PRG2: variants seen among roughly 807,000 people sequenced by gnomAD.
PRG2 encodes the protein bone marrow proteoglycan.
A neutral mutation model predicts 24.7 loss-of-function variants in PRG2; 23 were observed. The observed-to-expected ratio is 0.93, with a 90% CI of 0.67 to 1.32. The LOEUF (loss-of-function observed/expected upper bound fraction) is 1.32. PRG2 is among the 40% of genes most tolerant of loss of function. The probability of loss-of-function intolerance (pLI) is 0.00; values close to 1 mark genes in which losing one functional copy is unlikely to be tolerated. For synonymous variants in PRG2, 104 were observed against 99.8 expected, an observed-to-expected ratio of 1.04 and a Z score of -0.25; for missense variants, 271 against 280.9, an observed-to-expected ratio of 0.96 and a Z score of 0.25.
At position 57,388,627 on chromosome 11, in the gene PRG2, T is replaced by C. The variant is rs372079948; in HGVS notation, c.448A>G (p.Ser150Gly). 5 of 1,613,918 alleles carry C rather than the reference T, an allele frequency of 3.1e-6. No homozygotes were observed. In the African/African-American group the frequency reaches 6.7e-5, roughly 22 times the overall value. The change falls in exon 4 of 6, where the codon AGC (serine) becomes GGC (glycine). Residue 150 changes from serine (S) to glycine (G), a missense_variant. By Grantham distance (56) the Ser-to-Gly change is moderately conservative. Coordinates refer to ENST00000311862, the MANE Select transcript of PRG2 (RefSeq NM_002728.6). Reference sequence around the variant, plus strand: ...CAGACTTGACCCTGGTTGAGCGCGCTGACAGAACACTGGATTCGATAATTA... The same window carrying C: ...CAGACTTGACCCTGGTTGAGCGCGCCGACAGAACACTGGATTCGATAATTA... ...NINYRIQCSVSALNQGQVWIG... is the reference protein window; with the variant it reads ...NINYRIQCSVGALNQGQVWIG...
At chr11:57,387,585 A>G in intron 5 of PRG2, 52 bp from the exon 6 acceptor site, 1 of 1,561,162 alleles carries the variant, frequency 6.4e-7, no homozygotes, top group South Asian at 1.1e-5. Flanking sequence ...ATCCCAACTC[A>G]ACCCACAGGA....
Position 57,387,444 on chromosome 11 carries a change from G to C in PRG2, c.*31C>G. 1 of 1,604,086 alleles carries C rather than the reference G, an allele frequency of 6.2e-7. No individual in the cohort carries two copies. Among genetic ancestry groups the C allele is most frequent in the South Asian group, 1.1e-5 (1 of 90,342 alleles). On this transcript the variant is annotated 3_prime_UTR_variant, in exon 6 of 6. Coordinates refer to ENST00000311862, the MANE Select transcript of PRG2 (RefSeq NM_002728.6). ...GGAGGGGAGGCAGCTGCCCAGGAGA[G>C]GGCAGCTCTGAACTGCTGGCTGGGA...
Position 57,387,839 on chromosome 11 carries a change from A to C in PRG2, c.525T>G (p.Val175=). 1 of 1,576,890 alleles carries C rather than the reference A, an allele frequency of 6.3e-7. No homozygotes were observed. Among genetic ancestry groups the C allele is most frequent in the Non-Finnish European group, 8.6e-7 (1 of 1,161,136 alleles). Residue 175 remains valine (V), a synonymous_variant, in exon 5 of 6, where the codon GTT becomes GTG. Transcript: ENST00000311862. ...ATGCAAAGTTCCAGCGGCTGCCGTC[A>C]ACCCACTGAAAGCGTCTGCAGCGAC... ...GSGRCRRFQW[V]DGSRWNFAYW... is the part of the protein sequence containing the mutation.
rs746389024 is a variant in PRG2, at chr11:57,388,610, A to C, written c.465T>G (p.Gly155=). ...IQCSVSALNQ[G]QVWIGGRITG... is the part of the protein sequence containing the mutation. Reference sequence around the variant, plus strand: ...TGATCCTGCCTCCAATCCAGACTTGACCCTGGTTGAGCGCGCTGACAGAAC... The same window carrying C: ...TGATCCTGCCTCCAATCCAGACTTGCCCCTGGTTGAGCGCGCTGACAGAAC... The change falls in exon 4 of 6, where the codon GGT becomes GGG. Residue 155 remains glycine, a synonymous_variant. Transcript: ENST00000311862. 6.2e-7 allele frequency: 1 copy of C among 1,613,922 alleles called. No homozygotes were observed. The highest frequency in any genetic ancestry group is 8.5e-7 in the Non-Finnish European group (1 of 1,179,870).
chr11:57,388,831 A>G lies in PRG2; in HGVS notation c.367-123T>C, dbSNP rs1857100215. The G allele has an allele frequency of 2.7e-6, 4 of 1,468,358 alleles. No individual in the cohort carries two copies. In the South Asian group the frequency reaches 5.3e-5, roughly 20 times the overall value. 91.0% of individuals were successfully genotyped at this position (1,468,358 alleles called of 1,614,324 possible). A position where few individuals can be genotyped will look rare whatever the true frequency, so the allele number is the denominator to read the frequency against. ...ACAACCATTTGAAGGTTGGAGACCA[A>G]AATGCAACTTCTGTTTGTAGGTGGC... On this transcript the variant is annotated intron_variant, in intron 3 of 5. Coordinates refer to ENST00000311862, the MANE Select transcript of PRG2 (RefSeq NM_002728.6).
chr11:57,389,748 G>C (rs1355614387), intron 2 of PRG2, 139 bp downstream of exon 2: 3 of 748,948 alleles, frequency 4.0e-6, no homozygotes, highest in Non-Finnish European at 6.4e-6. Flanking sequence ...CCTGGCCATA[G>C]AGTCCCCATC....
In PRG2 at chr11:57,388,688, G is replaced by C; in HGVS notation, c.387C>G (p.Tyr129Ter). 1 of 1,614,064 alleles carries C rather than the reference G, an allele frequency of 6.2e-7. No individual in the cohort carries two copies. Among genetic ancestry groups the C allele is most frequent in the Non-Finnish European group, 8.5e-7 (1 of 1,179,980 alleles). The stretch of plus-strand genomic sequence containing the variant: ...TGTGGATGGAAACCAGGTTGCCCCT[G>C]TAGCACCTCCGGCAAGTAAACTACA... ...SQAWFTCRRC[Y>*]RGNLVSIHNF... is the part of the protein sequence containing the mutation. The change falls in exon 4 of 6, where the codon TAC becomes TAG. Residue 129 changes from tyrosine (Y) to a stop codon, truncating the protein, a stop_gained. Coordinates refer to ENST00000311862, the MANE Select transcript of PRG2 (RefSeq NM_002728.6). LOFTEE classifies it high-confidence loss of function.
chr11:57,387,612 C>A, intron 5 of PRG2, 79 bp from the exon 6 acceptor site: 1 of 1,456,364 alleles, frequency 6.9e-7, no homozygotes, highest in South Asian at 1.2e-5. Context: ...CTTTTCCCAC[C>A]CACACACTGC....
At chr11:57,387,581 A>G (rs368449635) in intron 5 of PRG2, 48 bp from the exon 6 acceptor site, 333 of 1,570,820 alleles carry the variant, frequency 2.1e-4, no homozygotes, top group Non-Finnish European at 2.8e-4. Context: ...GTCCATCCCA[A>G]CTCAACCCAC....
At position 57,389,905 on chromosome 11, in the gene PRG2, C is replaced by T. The variant is rs200430596; in HGVS notation, c.40G>A (p.Val14Ile). ...CACTTACTTAGATGAAGAGCAGAAA[C>T]TGCCCCAAATAGAAGAGCCAGAAGT... is the stretch of plus-strand genomic sequence containing the variant. ...PLLLALLFGA[V>I]SALHLRSETS... is the part of the protein sequence containing the mutation. Residue 14 changes from valine to isoleucine, a missense_variant, in exon 2 of 6, where the codon GTT (valine) becomes ATT (isoleucine). Coordinates refer to ENST00000311862, the MANE Select transcript of PRG2 (RefSeq NM_002728.6). 3.1e-5 allele frequency: 50 copies of T among 1,611,906 alleles called. No homozygotes were observed. The highest frequency in any genetic ancestry group is 3.3e-4 in the Middle Eastern group (2 of 6,072).
rs759407925 is a variant in PRG2, at chr11:57,389,899, C to A, written c.46G>T (p.Ala16Ser). 3.7e-6 allele frequency: 6 copies of A among 1,611,482 alleles called. No homozygotes were observed. The highest frequency in any genetic ancestry group is 1.1e-5 in the South Asian group (1 of 90,746). ...AAAAAACACTTACTTAGATGAAGAG[C>A]AGAAACTGCCCCAAATAGAAGAGCC... ...LLALLFGAVS[A>S]LHLRSETSTF... The change falls in exon 2 of 6, where the codon GCT (alanine) becomes TCT (serine). Residue 16 changes from alanine (A) to serine (S), a missense_variant. Coordinates refer to ENST00000311862, the MANE Select transcript of PRG2 (RefSeq NM_002728.6).
chr11:57,389,143 G>A lies in PRG2; in HGVS notation c.233C>T (p.Ser78Leu). Reference protein sequence around the residue: ...SKKDGAVESISVPDMVDKNLT... With the variant: ...SKKDGAVESILVPDMVDKNLT... ...GTTTTTGTCCACCATATCTGGCACTGAGATAGACTCAACAGCCCCATCTTT... is the reference window on the plus strand; with the variant it reads ...GTTTTTGTCCACCATATCTGGCACTAAGATAGACTCAACAGCCCCATCTTT... The change falls in exon 3 of 6, where the codon TCA becomes TTA. Residue 78 changes from serine to leucine, a missense_variant. Coordinates refer to ENST00000311862, the MANE Select transcript of PRG2 (RefSeq NM_002728.6). The A allele has an allele frequency of 1.2e-6, 2 of 1,614,156 alleles. No homozygotes were observed. Among genetic ancestry groups the A allele is most frequent in the Non-Finnish European group, 1.7e-6 (2 of 1,180,036 alleles).
At chr11:57,390,050 G>T in intron 1 of PRG2, 94 bp from the exon 2 acceptor site, 1 of 1,082,744 alleles carries the variant, frequency 9.2e-7, no homozygotes, top group Non-Finnish European at 1.3e-6. Context: ...GAGTGAGGTG[G>T]AGAAAAAGAA....
Position 57,387,366 on chromosome 11 carries a change from T to A in PRG2, c.*109A>T, listed in dbSNP as rs111468564. ...CGATCAGAGGAGAAAATAAATCCAT[T>A]TCAGTAAAACCCATTTTATTGCAGG... is the stretch of plus-strand genomic sequence containing the variant. On this transcript the variant is annotated 3_prime_UTR_variant, in exon 6 of 6. Coordinates refer to ENST00000311862, the MANE Select transcript of PRG2 (RefSeq NM_002728.6). The A allele has an allele frequency of 6.4e-5, 62 of 967,270 alleles. 3 individuals carry two copies. Among genetic ancestry groups the A allele is most frequent in the African/African-American group, 4.4e-4 (27 of 61,246 alleles). The allele number at this position is 967,270 out of a possible 1,614,324, so 59.9% of individuals were successfully genotyped here.
Position 57,389,203 on chromosome 11 carries a change from T to A in PRG2, c.173A>T (p.Glu58Val). The change falls in exon 3 of 6, where the codon GAG becomes GTG. Residue 58 changes from glutamate to valine, a missense_variant. By Grantham distance (121) the Glu-to-Val change is moderately radical. Transcript: ENST00000311862. ...ATCTTCACTTCCAGAGCCCCACTCC[T>A]CCTCTTCCTCCAGCTCCCTGCAAGG... ...ETPCRELEEE[E>V]EWGSGSEDAS... The A allele has an allele frequency of 4.3e-6, 7 of 1,614,176 alleles. No homozygotes were observed. Among genetic ancestry groups the A allele is most frequent in the Non-Finnish European group, 5.9e-6 (7 of 1,180,024 alleles).
intron 3 of PRG2, 102 bp from the exon 4 acceptor site, chr11:57,388,810 C>T (rs1857099763): frequency 1.3e-6 from 2 of 1,520,792 alleles, no homozygotes; most frequent in East Asian, 2.3e-5. Flanking sequence ...CCTGCCACAA[C>T]CATTTGAAGG....
chr11:57,388,718 A>G lies in PRG2; in HGVS notation c.367-10T>C. The G allele has an allele frequency of 6.2e-7, 1 of 1,613,198 alleles. No homozygotes were observed. The highest frequency in any genetic ancestry group is 8.5e-7 in the Non-Finnish European group (1 of 1,179,250). On this transcript the variant is annotated splice_polypyrimidine_tract_variant and intron_variant, in intron 3 of 5. Coordinates refer to ENST00000311862, the MANE Select transcript of PRG2 (RefSeq NM_002728.6). ...ACCTCCGGCAAGTAAACTACAGGGC[A>G]GGATAAAAGACAAAGAATGGAGCAT...
intron 4 of PRG2, 115 bp downstream of exon 4, chr11:57,388,462 T>A (rs535734971): frequency 2.0e-6 from 3 of 1,488,726 alleles, no homozygotes; most frequent in Non-Finnish European, 2.7e-6. Context: ...TGGGTGTCCA[T>A]CTATCCCTGG....
intron 5 of PRG2, 88 bp from the exon 6 acceptor site, chr11:57,387,621 G>T: frequency 7.1e-7 from 1 of 1,417,558 alleles, no homozygotes; most frequent in Non-Finnish European, 9.8e-7. Context: ...CCCACACACT[G>T]CTGTGGAGTC....
Sources: gnomAD v4.1 joint callset for allele counts on GRCh38, gnomAD v4.1.1 for gene constraint, MANE v1.5 for transcripts, NCBI Gene and HGNC (gene_info 2026-07-23, HGNC 2026-07-21) for gene names.